STAG1: variants seen among roughly 807,000 people sequenced by gnomAD.
STAG1 encodes cohesin subunit SA-1.
Under a neutral mutation model 170.9 loss-of-function variants are expected in STAG1, and 26 were observed. The ratio of observed to expected loss-of-function variants is 0.15; its 90% CI spans 0.11 to 0.21. The LOEUF (loss-of-function observed/expected upper bound fraction) is 0.21. Among genes scored for constraint, STAG1 ranks in the 10% least tolerant of loss-of-function variants. The pLI, the probability that STAG1 is intolerant of heterozygous loss-of-function variation, is 1.00. For synonymous variants in STAG1, 514 were observed against 497.7 expected, an observed-to-expected ratio of 1.03 and a Z score of -0.44; for missense variants, 964 against 1,509.5, an observed-to-expected ratio of 0.64 and a Z score of 5.99.
At chr3:136,579,517 G>A (rs1937546463) in intron 4 of STAG1, among the ~76,000 whole-genome samples, 1 of 152,206 alleles carries the variant, frequency 6.6e-6, no homozygotes, top group Non-Finnish European at 1.5e-5. Context: ...CCTTGTGGTT[G>A]TATAACTGAA....
chr3:136,530,124 C>T, intron 6 of STAG1, among the ~76,000 whole-genome samples: 1 of 152,074 alleles, frequency 6.6e-6, no homozygotes, highest in Non-Finnish European at 1.5e-5. Flanking sequence ...ACATCAAAAA[C>T]AGTCATAAAG....
intron 7 of STAG1, among the ~76,000 whole-genome samples, chr3:136,503,859 C>T (rs767477779): frequency 1.2e-4 from 19 of 152,036 alleles, no homozygotes; most frequent in African/African-American, 4.3e-4. Flanking sequence ...CCTCAGCCTC[C>T]GGAGTAGCTG....
At chr3:136,519,420 CCTT>C (rs1187494784) in intron 7 of STAG1, among the ~76,000 whole-genome samples, 2 of 152,080 alleles carry the variant, frequency 1.3e-5, no homozygotes, top group East Asian at 3.8e-4. Flanking sequence ...TATTGCTTCT[CCTT>C]CTCTCTTGGC....
chr3:136,563,791 C>T (rs866926998), intron 5 of STAG1, among the ~76,000 whole-genome samples: 2 of 151,780 alleles, frequency 1.3e-5, no homozygotes, highest in Admixed American at 1.3e-4. Context: ...GAGGCCAAGG[C>T]GGGTGGATCA....
intron 6 of STAG1, among the ~76,000 whole-genome samples, chr3:136,534,951 G>A (rs996976451): frequency 5.9e-5 from 9 of 152,172 alleles, no homozygotes; most frequent in Admixed American, 1.3e-4. Flanking sequence ...ACACTTGCAT[G>A]TTTATCACAG....
intron 10 of STAG1, 91 bp from the exon 11 acceptor site, chr3:136,473,728 A>G: frequency 1.1e-6 from 1 of 901,714 alleles, no homozygotes; most frequent in Non-Finnish European, 1.8e-6. Context: ...TAGCTTAAAC[A>G]TTTGACTTAC....
chr3:136,422,394 TA>T lies in STAG1; in HGVS notation c.2037+15del, dbSNP rs770608871. 1.9e-6 allele frequency: 3 copies of T among 1,609,526 alleles called. No homozygotes were observed. Among genetic ancestry groups the T allele is most frequent in the Non-Finnish European group, 2.6e-6 (3 of 1,176,396 alleles). The stretch of plus-strand genomic sequence containing the variant: ...AGTCAATATTATTATATGTACACAT[TA>T]ACTTTAGAACAGACCTCTTGCAATA... On this transcript the variant is annotated intron_variant, in intron 19 of 33. Coordinates refer to ENST00000383202, the MANE Select transcript of STAG1 (RefSeq NM_005862.3).
chr3:136,444,860 G>A (rs951694805), intron 14 of STAG1, among the ~76,000 whole-genome samples: 1 of 151,992 alleles, frequency 6.6e-6, no homozygotes, highest in African/African-American at 2.4e-5. Context: ...ACTTCAGTGT[G>A]ATTTTTTTTT....
At chr3:136,613,942 T>A (rs778299937) in intron 3 of STAG1, among the ~76,000 whole-genome samples, 1 of 152,106 alleles carries the variant, frequency 6.6e-6, no homozygotes, top group Non-Finnish European at 1.5e-5. Flanking sequence ...TGGCTGGGCG[T>A]CGTGGCTCAT....
chr3:136,702,377 A>C (rs1415153449), intron 1 of STAG1, among the ~76,000 whole-genome samples: 1 of 152,180 alleles, frequency 6.6e-6, no homozygotes, highest in Non-Finnish European at 1.5e-5. Context: ...GTTCAGTTAT[A>C]AAATCACTTA....
At chr3:136,425,473 TAATAAG>T (rs1209474297) in intron 16 of STAG1, among the ~76,000 whole-genome samples, 1 of 152,142 alleles carries the variant, frequency 6.6e-6, no homozygotes, top group Admixed American at 6.5e-5. Context: ...AAATGGTTAC[TAATAAG>T]AATGAGGTGT....
At chr3:136,550,094 CT>C (rs1232626234) in intron 5 of STAG1, among the ~76,000 whole-genome samples, 2 of 151,740 alleles carry the variant, frequency 1.3e-5, no homozygotes, top group African/African-American at 4.8e-5. Context: ...TTCGTGGTAT[CT>C]TTTTTTTGTG....
At chr3:136,340,957 GGA>G (rs1935943949) in intron 31 of STAG1, among the ~76,000 whole-genome samples, 1 of 152,162 alleles carries the variant, frequency 6.6e-6, no homozygotes, top group Non-Finnish European at 1.5e-5. Flanking sequence ...CGCTCAGGCT[GGA>G]GTGCAGTGGC....
chr3:136,679,660 C>A (rs1357352423), intron 1 of STAG1, among the ~76,000 whole-genome samples: 1 of 148,004 alleles, frequency 6.8e-6, no homozygotes, highest in Non-Finnish European at 1.5e-5. Context: ...ACCCACAAGG[C>A]GGAGCTTGCA....
chr3:136,692,550 A>C (rs900031870), intron 1 of STAG1, among the ~76,000 whole-genome samples: 12 of 151,880 alleles, frequency 7.9e-5, no homozygotes, highest in African/African-American at 2.4e-4. Flanking sequence ...CAGAAGAATC[A>C]CTTGAACCCA....
chr3:136,633,332 C>T (rs1940408257), intron 1 of STAG1, among the ~76,000 whole-genome samples: 1 of 152,070 alleles, frequency 6.6e-6, no homozygotes, highest in Admixed American at 6.5e-5. Flanking sequence ...AAAACTATCC[C>T]TCAAGGGAGA....
intron 13 of STAG1, among the ~76,000 whole-genome samples, chr3:136,453,926 G>C: frequency 6.6e-6 from 1 of 151,712 alleles, no homozygotes; most frequent in African/African-American, 2.4e-5. Flanking sequence ...GAGGTTTTCT[G>C]GGGGGGCAGG....
intron 13 of STAG1, among the ~76,000 whole-genome samples, chr3:136,455,198 G>A (rs747836933): frequency 1.1e-4 from 16 of 152,176 alleles, no homozygotes; most frequent in Non-Finnish European, 2.4e-4. Context: ...TGGTGGAACA[G>A]AAGATTGCCG....
rs67826395 is a variant in STAG1 at position 136,657,189 on chromosome 3, CTTTTTT to C, written c.-83-26214_-83-26209del. Among the ~76,000 whole-genome samples the C allele has an allele frequency of 3.2e-3, 293 of 92,248 alleles. 1 individual carries two copies. Among genetic ancestry groups the C allele is most frequent in the Middle Eastern group, 8.1e-3 (1 of 124 alleles). 60.5% of individuals were successfully genotyped at this position (92,248 alleles called of 152,430 possible). A position where few individuals can be genotyped will look rare whatever the true frequency, so the allele number is the denominator to read the frequency against. On this transcript the variant is annotated intron_variant, in intron 1 of 33. Coordinates refer to ENST00000383202, the MANE Select transcript of STAG1 (RefSeq NM_005862.3). ...TCCTCTCCTACACGTTTCTTTCTTT[CTTTTTT>C]TTTTTTTTTTTTTTTTTTTTTGAGA...
Sources: allele counts gnomAD v4.1 joint callset (sites outside exome capture counted in the v4.1 genomes callset), GRCh38; gene constraint gnomAD v4.1.1; transcripts MANE v1.5; gene names NCBI Gene and HGNC (gene_info 2026-07-23, HGNC 2026-07-21).